ARL8B: variants seen among roughly 807,000 people sequenced by gnomAD.
The protein encoded by ARL8B is ADP-ribosylation factor-like protein 8B.
Under a neutral mutation model 30.6 loss-of-function variants are expected in ARL8B, and 9 were observed. That is an observed-to-expected ratio of 0.29 (90% CI 0.18 to 0.51). ARL8B has a LOEUF of 0.51. ARL8B is among the 20% of genes least tolerant of loss of function. ARL8B has a pLI of 0.97. For synonymous variants in ARL8B, 74 were observed against 76.0 expected (o/e 0.97, Z 0.14); for missense variants, 130 against 227.2 (o/e 0.57, Z 2.75).
intron 1 of ARL8B, chr3:5,157,891 C>T (rs2054546304): frequency 6.6e-6 from 1 of 152,108 alleles, no homozygotes; most frequent in Non-Finnish European, 1.5e-5. Flanking sequence ...TAAGAAAGAG[C>T]ACCAGATAGA....
chr3:5,175,151 T>G (rs890199717), intron 6 of ARL8B, among the ~76,000 whole-genome samples: 5 of 152,140 alleles, frequency 3.3e-5, no homozygotes, highest in Admixed American at 3.3e-4. Flanking sequence ...AATTGCACTT[T>G]TAAGCGAAAT....
At chr3:5,165,203 T>A (rs981351052) in intron 1 of ARL8B, among the ~76,000 whole-genome samples, 7 of 152,188 alleles carry the variant, frequency 4.6e-5, no homozygotes, top group African/African-American at 1.7e-4. Flanking sequence ...TCATCAAAAT[T>A]TCCCCCTAGA....
intron 1 of ARL8B, among the ~76,000 whole-genome samples, chr3:5,140,447 C>T (rs1217359921): frequency 6.6e-6 from 1 of 152,132 alleles, no homozygotes; most frequent in African/African-American, 2.4e-5. Flanking sequence ...GATTGTGAGG[C>T]CTCCCCAGCC....
At chr3:5,172,587 C>G in intron 3 of ARL8B, 60 bp from the exon 4 acceptor site, 1 of 1,077,878 alleles carries the variant, frequency 9.3e-7, no homozygotes, top group Non-Finnish European at 1.4e-6. Flanking sequence ...ATCAATAATA[C>G]TAGTTGTCAT....
In ARL8B at chr3:5,179,040, C is replaced by T. The variant is rs2054754855; in HGVS notation, c.*327C>T. On this transcript the variant is annotated 3_prime_UTR_variant, in exon 7 of 7. Coordinates refer to ENST00000256496, the MANE Select transcript of ARL8B (RefSeq NM_018184.3). ...GAAAATTGCATATTTCCATTCTGGTCTTTCTGGGCCAGATTTTTATATTGG... is the reference window on the plus strand; with the variant it reads ...GAAAATTGCATATTTCCATTCTGGTTTTTCTGGGCCAGATTTTTATATTGG... 5.2e-6 allele frequency: 1 copy of T among 193,434 alleles called. No individual in the cohort carries two copies. Among genetic ancestry groups the T allele is most frequent in the African/African-American group, 2.3e-5 (1 of 42,918 alleles). The allele number at this position is 193,434 out of a possible 1,614,324, so 12.0% of individuals were successfully genotyped here. A position where few individuals can be genotyped will look rare whatever the true frequency, so the allele number is the denominator to read the frequency against.
At chr3:5,163,644 T>C (rs1247518702) in intron 1 of ARL8B, among the ~76,000 whole-genome samples, 1 of 152,084 alleles carries the variant, frequency 6.6e-6, no homozygotes, top group African/African-American at 2.4e-5. Context: ...CCGAGGTGGG[T>C]GGATCACCTG....
chr3:5,178,244 T>G (rs1016479135), intron 6 of ARL8B, among the ~76,000 whole-genome samples: 3 of 152,222 alleles, frequency 2.0e-5, no homozygotes, highest in Non-Finnish European at 2.9e-5. Flanking sequence ...GCTGTTTTTT[T>G]TTTTTAACCT....
At chr3:5,171,845 A>G (rs1575574968) in intron 2 of ARL8B, among the ~76,000 whole-genome samples, 1 of 152,258 alleles carries the variant, frequency 6.6e-6, no homozygotes, top group African/African-American at 2.4e-5. Flanking sequence ...TATCATAAAG[A>G]CATATGTTTT....
At chr3:5,123,098 T>C (rs1159121300) in intron 1 of ARL8B, among the ~76,000 whole-genome samples, 1 of 152,166 alleles carries the variant, frequency 6.6e-6, no homozygotes, top group Non-Finnish European at 1.5e-5. Context: ...CCTTCCTGAA[T>C]TCTGTGGGCC....
intron 1 of ARL8B, among the ~76,000 whole-genome samples, chr3:5,137,172 T>G (rs1390614502): frequency 6.6e-6 from 1 of 152,102 alleles, no homozygotes; most frequent in African/African-American, 2.4e-5. Context: ...GATTTGGGCA[T>G]GAGAATACTT....
At chr3:5,128,631 TA>T (rs1259715705) in intron 1 of ARL8B, 4 of 221,210 alleles carry the variant, frequency 1.8e-5, no homozygotes, top group East Asian at 1.5e-4. Flanking sequence ...ATTGAACCTA[TA>T]AAAAAGTTAC....
At position 5,180,861 on chromosome 3, in the gene ARL8B, G is replaced by T. The variant is rs1380020867; in HGVS notation, c.*2148G>T. 6.5e-6 allele frequency: 1 copy of T among 152,736 alleles called. No individual in the cohort carries two copies. The highest frequency in any genetic ancestry group is 2.4e-5 in the African/African-American group (1 of 41,562). 9.5% of individuals were successfully genotyped at this position (152,736 alleles called of 1,614,324 possible). On this transcript the variant is annotated 3_prime_UTR_variant, in exon 7 of 7. Coordinates refer to ENST00000256496, the MANE Select transcript of ARL8B (RefSeq NM_018184.3). ...GTCAGAAATCAGATCAGCCCTCAAA[G>T]AATGGGGTCTGTGGGCTAGTTAAAA...
At chr3:5,148,381 C>T (rs766268721) in intron 1 of ARL8B, among the ~76,000 whole-genome samples, 12 of 152,164 alleles carry the variant, frequency 7.9e-5, no homozygotes, top group Non-Finnish European at 1.3e-4. Flanking sequence ...ATCCCTCTTA[C>T]ACTGTTCTAA....
At chr3:5,139,716 A>G (rs2054355540) in intron 1 of ARL8B, among the ~76,000 whole-genome samples, 1 of 152,212 alleles carries the variant, frequency 6.6e-6, no homozygotes, top group African/African-American at 2.4e-5. Flanking sequence ...AGTGCTTGTC[A>G]TCAGCTGTAT....
At chr3:5,156,194 C>T (rs1359310946) in intron 1 of ARL8B, among the ~76,000 whole-genome samples, 1 of 151,886 alleles carries the variant, frequency 6.6e-6, no homozygotes, top group Non-Finnish European at 1.5e-5. Flanking sequence ...TCAGCCCCCG[C>T]ACTTGGCCTA....
intron 6 of ARL8B, among the ~76,000 whole-genome samples, chr3:5,178,180 C>G (rs1178527734): frequency 6.6e-6 from 1 of 152,168 alleles, no homozygotes; most frequent in Non-Finnish European, 1.5e-5. Context: ...CACATTGTAT[C>G]ACTCACAATC....
chr3:5,149,911 A>G (rs745830365), intron 1 of ARL8B, among the ~76,000 whole-genome samples: 4 of 152,218 alleles, frequency 2.6e-5, no homozygotes, highest in Admixed American at 1.3e-4. Flanking sequence ...CTTGACCCCA[A>G]TTGCACAAAT....
At chr3:5,174,121 T>C in intron 5 of ARL8B, 37 bp downstream of exon 5, 1 of 1,535,786 alleles carries the variant, frequency 6.5e-7, no homozygotes, top group Non-Finnish European at 9.0e-7. Context: ...AATTTGCTTC[T>C]AAATTACCAT....
chr3:5,145,770 A>G (rs1408664104), intron 1 of ARL8B, among the ~76,000 whole-genome samples: 1 of 152,220 alleles, frequency 6.6e-6, no homozygotes, highest in African/African-American at 2.4e-5. Flanking sequence ...ATAACCTACA[A>G]CAGCCAGTTA....
Sources: allele counts gnomAD v4.1 joint callset (sites outside exome capture counted in the v4.1 genomes callset), GRCh38; gene constraint gnomAD v4.1.1; transcripts MANE v1.5; gene names NCBI Gene and HGNC (gene_info 2026-07-23, HGNC 2026-07-21).